The following GLYATL1 variants were observed in gnomAD, a reference collection of about 807,000 sequenced individuals.
GLYATL1 encodes glycine-N-acyltransferase like 1.
Under a neutral mutation model 20.0 loss-of-function variants are expected in GLYATL1, and 15 were observed. That is an observed-to-expected ratio of 0.75 (90% confidence interval 0.50 to 1.15). The LOEUF (loss-of-function observed/expected upper bound fraction) is 1.15, where lower values mean the gene tolerates loss of function less well. Among genes scored for constraint, GLYATL1 ranks in the 50% most tolerant of loss-of-function variants. The probability of loss-of-function intolerance (pLI) is 0.00; values close to 1 mark genes in which losing one functional copy is unlikely to be tolerated. For synonymous variants in GLYATL1, 151 were observed against 131.5 expected (o/e 1.15, Z -1.01); for missense variants, 380 against 368.5 (o/e 1.03, Z -0.26).
In GLYATL1 at chr11:58,947,939, A is replaced by G; in HGVS notation, c.160A>G (p.Met54Val). 6.2e-7 allele frequency: 1 copy of G among 1,613,620 alleles called. No individual in the cohort carries two copies. Among genetic ancestry groups the G allele is most frequent in the African/African-American group, 1.3e-5 (1 of 74,978 alleles). ...VLVDSWPEYQ[M>V]VIIRPQKQEM... ...GGTGGATTCCTGGCCTGAATATCAG[A>G]TGGTTATTATCCGGCCTCAAAAGCA... The change falls in exon 4 of 7, where the codon ATG (methionine) becomes GTG (valine). Residue 54 changes from methionine (M) to valine (V), a missense_variant. Transcript: ENST00000532726.
chr11:58,924,395 T>C (rs1467386782), upstream of GLYATL1, among the ~76,000 whole-genome samples: 3 of 152,190 alleles, frequency 2.0e-5, no homozygotes, highest in African/African-American at 7.2e-5. Context: ...CCCTAGTATT[T>C]ACCCTATGAC....
At chr11:58,919,539 T>C (rs752325279) in intron 1 of GLYATL1, among the ~76,000 whole-genome samples, 7 of 152,144 alleles carry the variant, frequency 4.6e-5, no homozygotes, top group Admixed American at 6.5e-5. Flanking sequence ...GAGTCAGGGG[T>C]AGTCCAAATC....
chr11:58,921,357 G>T (rs1192201192), intron 1 of GLYATL1, among the ~76,000 whole-genome samples: 1 of 152,024 alleles, frequency 6.6e-6, no homozygotes, highest in African/African-American at 2.4e-5. Context: ...CCATCAGCTG[G>T]CCTTCAACTA....
At chr11:58,926,882 G>A (rs1421812961), upstream of GLYATL1, among the ~76,000 whole-genome samples, 1 of 152,198 alleles carries the variant, frequency 6.6e-6, no homozygotes, top group Non-Finnish European at 1.5e-5. Flanking sequence ...CAAGTTTATG[G>A]ACTTTAATCT....
At chr11:58,907,526 C>T (rs1180758180) in exon 2 of GLYATL1, 11 of 368,146 alleles carry the variant, frequency 3.0e-5, no homozygotes, top group Non-Finnish European at 5.9e-5. Flanking sequence ...AATCCAGTCC[C>T]TGTTACTCCA....
chr11:58,926,997 G>A (rs1045497349), upstream of GLYATL1, among the ~76,000 whole-genome samples: 7 of 152,178 alleles, frequency 4.6e-5, no homozygotes, highest in African/African-American at 1.7e-4. Flanking sequence ...GGTTAAGACA[G>A]TCATTCATGC....
upstream of GLYATL1, chr11:58,934,629 A>C (rs1315468562): frequency 6.6e-6 from 1 of 152,094 alleles, no homozygotes; most frequent in African/African-American, 2.4e-5. Context: ...CAGAGGCAGT[A>C]CTAGATACTG....
chr11:58,951,127 C>T (rs1450594314), intron 4 of GLYATL1, among the ~76,000 whole-genome samples: 1 of 151,914 alleles, frequency 6.6e-6, no homozygotes, highest in Middle Eastern at 3.2e-3. Flanking sequence ...AAGATTTTTG[C>T]TACTCGAAGA....
chr11:58,926,830 G>A (rs183309954), upstream of GLYATL1, among the ~76,000 whole-genome samples: 8 of 152,328 alleles, frequency 5.3e-5, no homozygotes, highest in East Asian at 9.6e-4. Context: ...TAAAGCCACA[G>A]GCAGAATAGC....
chr11:58,909,331 A>G (rs745946072), downstream of GLYATL1, among the ~76,000 whole-genome samples: 3 of 152,208 alleles, frequency 2.0e-5, no homozygotes, highest in Non-Finnish European at 4.4e-5. Context: ...TGGTGCCTAT[A>G]GTTAACAATA....
chr11:58,942,743 G>A (rs1019652854), intron 1 of GLYATL1, among the ~76,000 whole-genome samples: 1 of 152,174 alleles, frequency 6.6e-6, no homozygotes, highest in African/African-American at 2.4e-5. Context: ...AAATGTATTA[G>A]TCATTGGCAG....
rs1774233493 is a variant in GLYATL1, at chr11:58,956,342, G to A, written c.*315G>A. ...GGAATCAGAACTCTTTATGCAACTTGGTTAATAGAATCTACTATCTGGAAG... is the reference window on the plus strand; with the variant it reads ...GGAATCAGAACTCTTTATGCAACTTAGTTAATAGAATCTACTATCTGGAAG... On this transcript the variant is annotated 3_prime_UTR_variant, in exon 7 of 7. Transcript: ENST00000532726. The A allele has an allele frequency of 2.3e-5, 7 of 304,250 alleles. No individual in the cohort carries two copies. The highest frequency in any genetic ancestry group is 4.3e-5 in the Non-Finnish European group (7 of 164,636). 18.8% of individuals were successfully genotyped at this position (304,250 alleles called of 1,614,324 possible).
chr11:58,926,842 T>C (rs79721760), upstream of GLYATL1, among the ~76,000 whole-genome samples: 4 of 152,326 alleles, frequency 2.6e-5, no homozygotes, highest in East Asian at 7.7e-4. Context: ...CAGAATAGCT[T>C]AAATGTTGCA....
intron 1 of GLYATL1, among the ~76,000 whole-genome samples, chr11:58,933,126 G>A (rs1565123429): frequency 1.3e-5 from 2 of 152,194 alleles, no homozygotes; most frequent in Non-Finnish European, 2.9e-5. Context: ...ACAGGAAGAG[G>A]GGCACAATTA....
exon 2 of GLYATL1, chr11:58,908,476 A>G (rs1236288419): frequency 1.5e-5 from 3 of 203,460 alleles, no homozygotes; most frequent in Non-Finnish European, 3.3e-5. Flanking sequence ...CATGAATTCC[A>G]TGAAGACTGA....
At chr11:58,927,818 G>C (rs1855466425) in exon 1 of GLYATL1, 1 of 152,108 alleles carries the variant, frequency 6.6e-6, no homozygotes, top group Non-Finnish European at 1.5e-5. Flanking sequence ...TTATCTATTG[G>C]AGGAAGCTCA....
intron 1 of GLYATL1, among the ~76,000 whole-genome samples, chr11:58,928,011 T>C (rs1420971741): frequency 2.0e-5 from 3 of 152,182 alleles, no homozygotes; most frequent in African/African-American, 7.2e-5. Flanking sequence ...ACTTGCTGCC[T>C]TTGCAACTGA....
chr11:58,955,458 G>A lies in GLYATL1; in HGVS notation c.491+105G>A, dbSNP rs1233597893. 33 of 1,347,480 alleles carry A rather than the reference G, an allele frequency of 2.4e-5. No homozygotes were observed. In the East Asian group the frequency reaches 7.3e-4, roughly 30 times the overall value. The allele number at this position is 1,347,480 out of a possible 1,614,324, so 83.5% of individuals were successfully genotyped here. A position where few individuals can be genotyped will look rare whatever the true frequency, so the allele number is the denominator to read the frequency against. On this transcript the variant is annotated intron_variant, in intron 6 of 6. Transcript: ENST00000532726. ...AAGAGAGGATGAATTCATTCCTTGG[G>A]ATGAATAAAGGTTGTCAAAGTTCAA...
chr11:58,943,414 T>C (rs993410125), intron 1 of GLYATL1, 129 bp from the exon 2 acceptor site: 36 of 1,528,234 alleles, frequency 2.4e-5, no homozygotes, highest in Non-Finnish European at 1.4e-5. Flanking sequence ...TAAATTCATT[T>C]TGACCACGAG....
Sources: gnomAD v4.1 joint callset for allele counts (sites outside exome capture counted in the v4.1 genomes callset) on GRCh38, gnomAD v4.1.1 for gene constraint, MANE v1.5 for transcripts, NCBI Gene and HGNC (gene_info 2026-07-23, HGNC 2026-07-21) for gene names.